Variants in QSER1 observed in about 807,000 individuals in gnomAD.
QSER1 encodes glutamine and serine rich 1.
Under a neutral mutation model 158.5 loss-of-function variants are expected in QSER1, and 49 were observed. The ratio of observed to expected loss-of-function variants is 0.31; its 90% CI spans 0.25 to 0.39. The LOEUF (loss-of-function observed/expected upper bound fraction) is 0.39. QSER1 is among the 10% of genes least tolerant of loss of function. QSER1 has a pLI of 1.00. For synonymous variants in QSER1, 650 were observed against 715.5 expected (o/e 0.91, Z 1.46); for missense variants, 1,754 against 2,010.3 (o/e 0.87, Z 2.44).
intron 8 of QSER1, 40 bp from the exon 9 acceptor site, chr11:32,966,260 A>G (rs1418563834): frequency 1.3e-6 from 2 of 1,591,034 alleles, no homozygotes; most frequent in African/African-American, 1.4e-5. Context: ...TAAAATTGTC[A>G]GGAAGGAAAA....
chr11:32,927,916 A>ATT, intron 2 of QSER1, 46 bp from the exon 3 acceptor site: 1 of 375,766 alleles, frequency 2.7e-6, no homozygotes. Context: ...TATACAAGTA[A>ATT]ATTTTTTTTT....
chr11:32,931,612 C>A, intron 3 of QSER1, 131 bp from the exon 4 acceptor site: 2 of 632,190 alleles, frequency 3.2e-6, no homozygotes, highest in Non-Finnish European at 5.3e-6. Flanking sequence ...AATTTACATG[C>A]AGAACTAACT....
At chr11:32,949,734 G>A (rs1852391566) in intron 4 of QSER1, among the ~76,000 whole-genome samples, 1 of 152,214 alleles carries the variant, frequency 6.6e-6, no homozygotes, top group Non-Finnish European at 1.5e-5. Flanking sequence ...CTCCTAACGT[G>A]ATTAGAATAT....
chr11:32,917,571 A>G (rs1257326723), intron 1 of QSER1, among the ~76,000 whole-genome samples: 2 of 152,160 alleles, frequency 1.3e-5, no homozygotes, highest in Non-Finnish European at 2.9e-5. Flanking sequence ...CATGTCTGTA[A>G]TCCCAGCACT....
intron 4 of QSER1, among the ~76,000 whole-genome samples, chr11:32,947,504 G>A (rs919895250): frequency 6.6e-6 from 1 of 152,100 alleles, no homozygotes; most frequent in Non-Finnish European, 1.5e-5. Context: ...GGAGATAAAT[G>A]ACATGTATGG....
At chr11:32,898,067 T>C (rs1383339174) in intron 1 of QSER1, among the ~76,000 whole-genome samples, 1 of 152,232 alleles carries the variant, frequency 6.6e-6, no homozygotes, top group African/African-American at 2.4e-5. Context: ...CTCTCTTCAA[T>C]TCATTCTTCT....
At chr11:32,964,598 G>A (rs1159237316) in intron 8 of QSER1, among the ~76,000 whole-genome samples, 2 of 151,174 alleles carry the variant, frequency 1.3e-5, no homozygotes, top group Admixed American at 6.6e-5. Flanking sequence ...AGGCACGGTG[G>A]CTTACAGCTA....
At chr11:32,907,006 G>T (rs541283215) in intron 1 of QSER1, among the ~76,000 whole-genome samples, 7 of 152,208 alleles carry the variant, frequency 4.6e-5, no homozygotes, top group African/African-American at 1.7e-4. Flanking sequence ...ATATTTCATT[G>T]GTTTTAGTAC....
In QSER1 at chr11:32,956,078, G is replaced by A. The variant is rs77599764; in HGVS notation, c.4708G>A (p.Val1570Met). The change falls in exon 7 of 13, where the codon GTG (valine) becomes ATG (methionine). Residue 1570 changes from valine to methionine, a missense_variant. Physicochemically the swap from Val to Met is conservative, Grantham distance 21 (BLOSUM62 1). Transcript: ENST00000650167. ...TGCAAACAAGAAGGAATATGTCAGAGTGTGTTCTAAAAAGCCAAGAAATAA... is the reference window on the plus strand; with the variant it reads ...TGCAAACAAGAAGGAATATGTCAGAATGTGTTCTAAAAAGCCAAGAAATAA... ...ENANKKEYVR[V>M]CSKKPRNKPS... The A allele has an allele frequency of 8.1e-6, 13 of 1,612,214 alleles. No individual in the cohort carries two copies. The East Asian group carries it at 2.7e-4, about 33-fold the overall frequency.
intron 1 of QSER1, among the ~76,000 whole-genome samples, chr11:32,925,571 AG>A (rs1288150257): frequency 1.3e-5 from 2 of 151,542 alleles, no homozygotes; most frequent in Admixed American, 6.6e-5. Flanking sequence ...TCTGTCACCC[AG>A]GCTGGAGTGC....
intron 3 of QSER1, among the ~76,000 whole-genome samples, chr11:32,929,566 G>A (rs372494527): frequency 2.0e-5 from 3 of 151,930 alleles, no homozygotes; most frequent in Non-Finnish European, 2.9e-5. Context: ...ATGGATTTTT[G>A]AGCACATTAA....
intron 11 of QSER1, among the ~76,000 whole-genome samples, chr11:32,974,826 AC>A (rs1365159277): frequency 6.6e-6 from 1 of 152,220 alleles, no homozygotes; most frequent in Non-Finnish European, 1.5e-5. Flanking sequence ...AAGTTGCTAG[AC>A]AATATGTATA....
intron 9 of QSER1, among the ~76,000 whole-genome samples, chr11:32,968,578 T>C (rs1852791584): frequency 6.6e-6 from 1 of 152,218 alleles, no homozygotes; most frequent in Non-Finnish European, 1.5e-5. Flanking sequence ...ACTTTTTCTT[T>C]GCTTCAAGTT....
At position 32,933,114 on chromosome 11, in the gene QSER1, C is replaced by T. The variant is rs1852079016; in HGVS notation, c.1856C>T (p.Thr619Ile). 1.2e-6 allele frequency: 2 copies of T among 1,613,564 alleles called. No homozygotes were observed. The highest frequency in any genetic ancestry group is 8.5e-7 in the Non-Finnish European group (1 of 1,179,870). The change falls in exon 4 of 13, where the codon ACC becomes ATC. Residue 619 changes from threonine (T) to isoleucine (I), a missense_variant. Transcript: ENST00000650167. ...CAGAATTTGCCAGACTCTAGCCCGA[C>T]CCAGAATTATATTTCTATGCATTCT... is the stretch of plus-strand genomic sequence containing the variant. ...RAQNLPDSSP[T>I]QNYISMHSSQ...
At chr11:32,896,926 G>T (rs1439003700) in intron 1 of QSER1, among the ~76,000 whole-genome samples, 2 of 152,126 alleles carry the variant, frequency 1.3e-5, no homozygotes, top group Non-Finnish European at 2.9e-5. Context: ...ATCATAATTT[G>T]TAAGGCGTAA....
chr11:32,928,734 A>T (rs1852007732), intron 3 of QSER1, among the ~76,000 whole-genome samples: 1 of 152,110 alleles, frequency 6.6e-6, no homozygotes, highest in Non-Finnish European at 1.5e-5. Flanking sequence ...GTCTTAAGAA[A>T]TGTCATAGTT....
intron 1 of QSER1, among the ~76,000 whole-genome samples, chr11:32,896,902 AAAAGGCC>A (rs1851562748): frequency 6.6e-6 from 1 of 152,156 alleles, no homozygotes; most frequent in Non-Finnish European, 1.5e-5. Flanking sequence ...GGTTTTTGGG[AAAAGGCC>A]TTATAGATCA....
At position 32,933,793 on chromosome 11, in the gene QSER1, T is replaced by C; in HGVS notation, c.2535T>C (p.His845=). 1 of 1,613,968 alleles carries C rather than the reference T, an allele frequency of 6.2e-7. No homozygotes were observed. The highest frequency in any genetic ancestry group is 8.5e-7 in the Non-Finnish European group (1 of 1,179,952). ...QIPNHALGHG[H]QASLPNTQVL... Reference sequence around the variant, plus strand: ...CAAATCATGCTTTAGGGCATGGCCATCAGGCATCTCTTCCTAATACACAGG... The same window carrying C: ...CAAATCATGCTTTAGGGCATGGCCACCAGGCATCTCTTCCTAATACACAGG... The change falls in exon 4 of 13, where the codon CAT becomes CAC. Residue 845 remains histidine (H), a synonymous_variant. Transcript: ENST00000650167.
chr11:32,975,709 T>G (rs1278098537), intron 12 of QSER1: 4 of 1,046,164 alleles, frequency 3.8e-6, no homozygotes, highest in Non-Finnish European at 4.8e-6. Flanking sequence ...GCCTTACTTA[T>G]TACTTAGAAT....
Sources: allele counts gnomAD v4.1 joint callset (sites outside exome capture counted in the v4.1 genomes callset), GRCh38; gene constraint gnomAD v4.1.1; transcripts MANE v1.5; gene names NCBI Gene and HGNC (gene_info 2026-07-23, HGNC 2026-07-21).